The following MMD2 variants were observed in gnomAD, a reference collection of about 807,000 sequenced individuals.
The protein encoded by MMD2 is monocyte to macrophage differentiation factor 2.
In MMD2, 30 loss-of-function variants were observed where a neutral mutation model predicts 33.5. The observed-to-expected ratio is 0.90, with a 90% confidence interval of 0.67 to 1.22. MMD2 has a LOEUF of 1.22. Ranked by LOEUF, MMD2 falls within the 50% of genes most tolerant of loss-of-function variation. The pLI is 0.00. For synonymous variants in MMD2, 129 were observed against 123.0 expected (o/e 1.05, Z -0.32); for missense variants, 364 against 325.4 (o/e 1.12, Z -0.91).
chr7:4,918,446 G>A (rs182750995), intron 3 of MMD2, among the ~76,000 whole-genome samples: 31 of 151,446 alleles, frequency 2.0e-4, no homozygotes, highest in African/African-American at 6.8e-4. Flanking sequence ...GCAACCTTGA[G>A]CAAATAAGGT....
At chr7:4,920,739 G>A (rs972603119) in intron 2 of MMD2, among the ~76,000 whole-genome samples, 18 of 103,304 alleles carry the variant, frequency 1.7e-4, no homozygotes, top group Non-Finnish European at 2.8e-4. Flanking sequence ...TCTCTCTTCC[G>A]TCCTTCCTTG....
intron 3 of MMD2, 136 bp downstream of exon 3, chr7:4,920,035 G>C: frequency 9.6e-7 from 1 of 1,037,890 alleles, no homozygotes; most frequent in African/African-American, 1.6e-5. Flanking sequence ...CTGCAAAGTC[G>C]CCCAGCCCAG....
At chr7:4,952,942 G>A (rs1442561508) in intron 1 of MMD2, among the ~76,000 whole-genome samples, 1 of 152,074 alleles carries the variant, frequency 6.6e-6, no homozygotes, top group African/African-American at 2.4e-5. Context: ...CTCCCAAAGT[G>A]TTGGGATTAA....
chr7:4,945,237 T>TTCTTCTTCC (rs1451038341), intron 1 of MMD2, among the ~76,000 whole-genome samples: 7 of 147,236 alleles, frequency 4.8e-5, no homozygotes, highest in African/African-American at 1.8e-4. Context: ...CTTCTTCTTC[T>TTCTTCTTCC]TCCTCTCTCT....
the MMD2 span, among the ~76,000 whole-genome samples, chr7:4,899,162 C>T: frequency 6.6e-6 from 1 of 152,098 alleles, no homozygotes; most frequent in Non-Finnish European, 1.5e-5. Context: ...AGGAAACAGC[C>T]CTCACCAGAC....
At chr7:4,925,557 G>A (rs1189371837) in intron 1 of MMD2, 25 bp from the exon 2 acceptor site, 1 of 1,543,788 alleles carries the variant, frequency 6.5e-7, no homozygotes, top group Non-Finnish European at 8.8e-7. Context: ...AGAATTCCAG[G>A]AAGCTCCGCT....
At chr7:4,898,371 T>C in the MMD2 span, among the ~76,000 whole-genome samples, 1 of 152,174 alleles carries the variant, frequency 6.6e-6, no homozygotes, top group Non-Finnish European at 1.5e-5. Context: ...AACTATGGCT[T>C]TCTGGGAATG....
downstream of MMD2, among the ~76,000 whole-genome samples, chr7:4,903,238 A>G (rs1031369249): frequency 6.6e-6 from 1 of 152,154 alleles, no homozygotes; most frequent in South Asian, 2.1e-4. Context: ...ACTCCATGTC[A>G]AAACAAAACC....
intron 1 of MMD2, among the ~76,000 whole-genome samples, chr7:4,944,711 C>G (rs569391955): frequency 1.8e-4 from 27 of 150,926 alleles, no homozygotes; most frequent in Admixed American, 3.3e-4. Context: ...CAGTCCTGAA[C>G]ACCAACAAAT....
At chr7:4,930,499 C>T (rs1415133087) in intron 1 of MMD2, among the ~76,000 whole-genome samples, 1 of 151,416 alleles carries the variant, frequency 6.6e-6, no homozygotes. Context: ...CAAAAATTAG[C>T]CAGGCGTAGT....
At chr7:4,903,754 C>CAGGTG (rs1214108711), downstream of MMD2, among the ~76,000 whole-genome samples, 1 of 152,212 alleles carries the variant, frequency 6.6e-6, no homozygotes, top group African/African-American at 2.4e-5. Context: ...CTGGCAGTGC[C>CAGGTG]CACTGAGCGC....
intron 1 of MMD2, among the ~76,000 whole-genome samples, chr7:4,927,564 A>G (rs1785465966): frequency 6.6e-6 from 1 of 151,842 alleles, no homozygotes; most frequent in African/African-American, 2.4e-5. Flanking sequence ...TATATTAGCC[A>G]GGCGTGGTGC....
chr7:4,928,649 A>G (rs116283427), intron 1 of MMD2, among the ~76,000 whole-genome samples: 1 of 149,924 alleles, frequency 6.7e-6, no homozygotes, highest in Non-Finnish European at 1.5e-5. Flanking sequence ...AGTGCAGCTC[A>G]TGGAGCATTT....
the MMD2 span, among the ~76,000 whole-genome samples, chr7:4,892,543 G>A: frequency 1.3e-5 from 2 of 151,292 alleles, no homozygotes; most frequent in Non-Finnish European, 1.5e-5. Context: ...AGCCGAGATC[G>A]CATTACTGTA....
At chr7:4,893,890 G>A in the MMD2 span, among the ~76,000 whole-genome samples, 6 of 152,148 alleles carry the variant, frequency 3.9e-5, no homozygotes, top group Non-Finnish European at 7.4e-5. Flanking sequence ...TATAATTAGT[G>A]TAAGCATTGA....
chr7:4,897,400 A>G, the MMD2 span, among the ~76,000 whole-genome samples: 3 of 152,218 alleles, frequency 2.0e-5, no homozygotes, highest in Non-Finnish European at 4.4e-5. Flanking sequence ...TCACAAACAC[A>G]GAAAGGGTCC....
chr7:4,918,390 G>T (rs1328900944), intron 3 of MMD2, among the ~76,000 whole-genome samples: 2 of 152,132 alleles, frequency 1.3e-5, no homozygotes, highest in Non-Finnish European at 2.9e-5. Flanking sequence ...AGCTTTATGG[G>T]GGGCCTGGAT....
At chr7:4,932,624 A>ATT (rs34390864) in intron 1 of MMD2, among the ~76,000 whole-genome samples, 23 of 137,754 alleles carry the variant, frequency 1.7e-4, no homozygotes, top group African/African-American at 5.6e-4. Context: ...TCTGTGGTGC[A>ATT]TTTTTTTTTT....
At chr7:4,908,874 G>C (rs567086762) in intron 6 of MMD2, among the ~76,000 whole-genome samples, 45 of 148,480 alleles carry the variant, frequency 3.0e-4, no homozygotes, top group Middle Eastern at 3.5e-3. Flanking sequence ...TCCACGCTGG[G>C]CAACAGAGTG....
Sources: gnomAD v4.1 joint callset for allele counts (sites outside exome capture counted in the v4.1 genomes callset) on GRCh38, gnomAD v4.1.1 for gene constraint, MANE v1.5 for transcripts, NCBI Gene and HGNC (gene_info 2026-07-23, HGNC 2026-07-21) for gene names.